ZDHHC11B: variants seen among roughly 807,000 people sequenced by gnomAD.
The protein encoded by ZDHHC11B is zDHHC palmitoyltransferase 11B (putative).
In ZDHHC11B, 17 loss-of-function variants were observed where a neutral mutation model predicts 42.3. The observed-to-expected ratio is 0.40, with a 90% confidence interval of 0.27 to 0.60. ZDHHC11B has a LOEUF of 0.60. Among genes scored for constraint, ZDHHC11B ranks in the 20% least tolerant of loss-of-function variants. The pLI is 0.41. For missense variants in ZDHHC11B, 262 were observed against 463.2 expected (o/e 0.57, Z 3.99); for synonymous variants, 123 against 193.5 (o/e 0.64, Z 3.02).
At chr5:779,462 G>C (rs1283477065) in intron 1 of ZDHHC11B, among the ~76,000 whole-genome samples, 7 of 149,764 alleles carry the variant, frequency 4.7e-5, no homozygotes, top group African/African-American at 1.5e-4. Context: ...GGCCCTTGGG[G>C]GTCCACCTAA....
intron 10 of ZDHHC11B, among the ~76,000 whole-genome samples, chr5:740,554 CA>C (rs1176307893): frequency 9.2e-6 from 1 of 109,036 alleles, no homozygotes; most frequent in Non-Finnish European, 1.9e-5. Context: ...CACACCACTG[CA>C]CTCCAGCCTG....
intron 9 of ZDHHC11B, among the ~76,000 whole-genome samples, chr5:743,717 G>A (rs1354200381): frequency 6.7e-6 from 1 of 149,862 alleles, no homozygotes; most frequent in Non-Finnish European, 1.5e-5. Flanking sequence ...ATCGAGATGT[G>A]CGAGTGTGTA....
At chr5:751,858 T>A (rs1424421867) in intron 6 of ZDHHC11B, among the ~76,000 whole-genome samples, 1 of 118,640 alleles carries the variant, frequency 8.4e-6, no homozygotes, top group African/African-American at 2.7e-5. Flanking sequence ...TTGCCTTTAA[T>A]CCCCACAAGG....
At chr5:717,815 C>T (rs1198229657) in intron 12 of ZDHHC11B, among the ~76,000 whole-genome samples, 2 of 151,784 alleles carry the variant, frequency 1.3e-5, no homozygotes, top group Non-Finnish European at 2.9e-5. Flanking sequence ...AGTGGATGCT[C>T]AGCTGGGCAG....
At chr5:766,471 C>G (rs4957101) in intron 4 of ZDHHC11B, among the ~76,000 whole-genome samples, 1 of 151,460 alleles carries the variant, frequency 6.6e-6, no homozygotes, top group Admixed American at 6.6e-5. Context: ...CGATGGGCCA[C>G]GCAGGAATGG....
intron 7 of ZDHHC11B, among the ~76,000 whole-genome samples, chr5:748,936 T>A: frequency 9.4e-6 from 1 of 106,434 alleles, no homozygotes; most frequent in East Asian, 5.7e-4. Context: ...CCTTCCTCAC[T>A]AAGTGCCGGG....
rs1561106568 is a variant in ZDHHC11B at position 711,722 on chromosome 5, TTGTGCTCCCATTTCCCAGCAC to T, written c.*547_*567del. The stretch of plus-strand genomic sequence containing the variant: ...CTCTGTGCTCCCATTTCCCAGTACT[TTGTGCTCCCATTTCCCAGCAC>T]TGTGCTCCCATTTCCCATTACTGTG... On this transcript the variant is annotated 3_prime_UTR_variant, in exon 14 of 14. Coordinates refer to ENST00000508859, the MANE Select transcript of ZDHHC11B (RefSeq NM_001351303.2). 1.4e-5 allele frequency: 2 copies of T among 145,392 alleles called. No homozygotes were observed. Among genetic ancestry groups the T allele is most frequent in the East Asian group, 2.1e-4 (1 of 4,830 alleles). 9.0% of individuals were successfully genotyped at this position (145,392 alleles called of 1,614,324 possible).
chr5:775,543 C>G (rs896886030), intron 1 of ZDHHC11B, among the ~76,000 whole-genome samples: 3 of 152,030 alleles, frequency 2.0e-5, no homozygotes, highest in African/African-American at 7.2e-5. Flanking sequence ...CAACCCAAAC[C>G]TTCTGTTAAC....
At chr5:767,608 T>G (rs1735638173) in intron 2 of ZDHHC11B, 84 bp from the exon 3 acceptor site, 1 of 1,094,072 alleles carries the variant, frequency 9.1e-7, no homozygotes, top group Admixed American at 2.6e-5. Context: ...CTCCAGGGGC[T>G]GAGGGACCGC....
chr5:719,157 C>T (rs1418601392), intron 12 of ZDHHC11B, among the ~76,000 whole-genome samples: 1 of 151,770 alleles, frequency 6.6e-6, no homozygotes, highest in East Asian at 1.9e-4. Context: ...CTGATGGTTC[C>T]AGCCTTTAAC....
At chr5:771,821 G>C (rs1341836862) in intron 1 of ZDHHC11B, among the ~76,000 whole-genome samples, 1 of 146,666 alleles carries the variant, frequency 6.8e-6, no homozygotes, top group Non-Finnish European at 1.5e-5. Flanking sequence ...CTCATCTCCT[G>C]TGGGGATGCG....
chr5:742,978 G>C (rs1487339751), intron 9 of ZDHHC11B, among the ~76,000 whole-genome samples: 5 of 149,740 alleles, frequency 3.3e-5, no homozygotes, highest in African/African-American at 9.8e-5. Context: ...TTTAAGTTTA[G>C]GTGTCAGATG....
At chr5:722,962 C>T (rs1427316301) in intron 12 of ZDHHC11B, among the ~76,000 whole-genome samples, 1 of 151,522 alleles carries the variant, frequency 6.6e-6, no homozygotes, top group South Asian at 2.1e-4. Context: ...ATGTATTGCA[C>T]GTATGTATGT....
chr5:775,306 T>C (rs1413631725), intron 1 of ZDHHC11B, among the ~76,000 whole-genome samples: 1 of 151,894 alleles, frequency 6.6e-6, no homozygotes, highest in Non-Finnish European at 1.5e-5. Flanking sequence ...CAGGTGCCCA[T>C]GGTGGGACAG....
chr5:713,853 T>C (rs1354774919), intron 13 of ZDHHC11B, among the ~76,000 whole-genome samples: 1 of 150,932 alleles, frequency 6.6e-6, no homozygotes, highest in Non-Finnish European at 1.5e-5. Context: ...GGGCCCTTAC[T>C]TTAAGAGATT....
intron 1 of ZDHHC11B, among the ~76,000 whole-genome samples, chr5:776,201 G>C (rs367912513): frequency 1.3e-5 from 2 of 151,634 alleles, no homozygotes; most frequent in African/African-American, 4.8e-5. Flanking sequence ...CCTAGGGCCA[G>C]ACCCCACTGC....
rs143604634 is a variant in ZDHHC11B, at chr5:760,939, C to A, written c.223-4795G>T. ...AACTGCTCAGCTTCAACCACACAGA[C>A]CCCCAGGTGGTGGAGCAAGACACTG... On this transcript the variant is annotated intron_variant, in intron 4 of 13. Transcript: ENST00000508859. Among the ~76,000 whole-genome samples, 1,317 of 151,296 alleles carry A rather than the reference C, an allele frequency of 8.7e-3. 39 individuals are homozygous for A. The highest frequency in any genetic ancestry group is 0.03 in the African/African-American group (1,250 of 41,014).
In ZDHHC11B at chr5:750,703, C is replaced by T. The variant is rs549408714; in HGVS notation, c.628+430G>A. ...CACTTGGCCAAGGGCCTCAGCACAC[C>T]GCAGCCTACAGCCCAGCACCCTCAG... On this transcript the variant is annotated intron_variant, in intron 7 of 13. Coordinates refer to ENST00000508859, the MANE Select transcript of ZDHHC11B (RefSeq NM_001351303.2). Among the ~76,000 whole-genome samples the T allele has an allele frequency of 1.1e-3, 144 of 125,902 alleles. 11 individuals carry two copies. The highest frequency in any genetic ancestry group is 3.4e-3 in the African/African-American group (129 of 37,932). The allele number at this position is 125,902 out of a possible 152,430, so 82.6% of individuals were successfully genotyped here.
At chr5:714,903 C>T (rs1360732233) in intron 13 of ZDHHC11B, among the ~76,000 whole-genome samples, 1 of 151,446 alleles carries the variant, frequency 6.6e-6, no homozygotes, top group East Asian at 1.9e-4. Context: ...TGCTCTAGTA[C>T]TTCTTGCTCT....
Sources: gnomAD v4.1 joint callset for allele counts (sites outside exome capture counted in the v4.1 genomes callset) on GRCh38, gnomAD v4.1.1 for gene constraint, MANE v1.5 for transcripts, NCBI Gene and HGNC (gene_info 2026-07-23, HGNC 2026-07-21) for gene names.